SDHAF3: variants seen among roughly 807,000 people sequenced by gnomAD.
SDHAF3 encodes succinate dehydrogenase complex assembly factor 3, also known as succinate dehydrogenase assembly factor 3, mitochondrial.
A neutral mutation model predicts 11.5 loss-of-function variants in SDHAF3; 18 were observed. That is an observed-to-expected ratio of 1.56 (90% CI 1.08 to 2.32). The LOEUF (loss-of-function observed/expected upper bound fraction) is 2.32. SDHAF3 is among the 30% of genes most tolerant of loss of function. The pLI is 0.00. For synonymous variants in SDHAF3, 72 were observed against 59.3 expected (o/e 1.21, Z -0.99); for missense variants, 200 against 154.4 (o/e 1.30, Z -1.57).
chr7:97,145,949 T>C (rs62499470), intron 1 of SDHAF3, among the ~76,000 whole-genome samples: 26,200 of 152,084 alleles, frequency 0.17, 2,867 homozygotes, highest in Non-Finnish European at 0.25. Flanking sequence ...TTGAGTAAAT[T>C]TTTGTAGTTC....
intron 1 of SDHAF3, among the ~76,000 whole-genome samples, chr7:97,133,075 A>G (rs1214802964): frequency 6.6e-6 from 1 of 152,188 alleles, no homozygotes; most frequent in Non-Finnish European, 1.5e-5. Context: ...AAACCTTTTC[A>G]GATATGTCTC....
In SDHAF3 at chr7:97,181,746, A is replaced by G. The variant is rs1789779319; in HGVS notation, c.*531A>G. ...TTTTACTATCAATCATTTGTATAAT[A>G]AACTATACAAAGTATAATACGTTTC... On this transcript the variant is annotated 3_prime_UTR_variant, in exon 2 of 2. Transcript: ENST00000432641. The G allele has an allele frequency of 6.5e-6, 1 of 153,386 alleles. No homozygotes were observed. Among genetic ancestry groups the G allele is most frequent in the Non-Finnish European group, 1.5e-5 (1 of 68,874 alleles). 9.5% of individuals were successfully genotyped at this position (153,386 alleles called of 1,614,324 possible). A position where few individuals can be genotyped will look rare whatever the true frequency, so the allele number is the denominator to read the frequency against.
chr7:97,167,075 G>A (rs1212363563), intron 1 of SDHAF3, among the ~76,000 whole-genome samples: 1 of 149,996 alleles, frequency 6.7e-6, no homozygotes, highest in Non-Finnish European at 1.5e-5. Context: ...TGCCAAGGCA[G>A]TTAAAGAGGA....
At chr7:97,145,050 G>GT (rs545292829) in intron 1 of SDHAF3, among the ~76,000 whole-genome samples, 15,381 of 131,232 alleles carry the variant, frequency 0.12, 824 homozygotes, top group Middle Eastern at 0.16. Context: ...AGTATTTTTT[G>GT]TTTTTTTTTT....
intron 1 of SDHAF3, among the ~76,000 whole-genome samples, chr7:97,171,587 G>C (rs1362299049): frequency 1.3e-5 from 2 of 151,938 alleles, no homozygotes; most frequent in Non-Finnish European, 2.9e-5. Context: ...ATGTCATATA[G>C]TTTGGTATTT....
At chr7:97,144,153 T>G (rs566723296) in intron 1 of SDHAF3, among the ~76,000 whole-genome samples, 6 of 152,220 alleles carry the variant, frequency 3.9e-5, no homozygotes, top group Admixed American at 3.9e-4. Flanking sequence ...AATTGTCTAC[T>G]TACATTCTTT....
At chr7:97,171,586 A>G (rs1383550918) in intron 1 of SDHAF3, among the ~76,000 whole-genome samples, 1 of 152,048 alleles carries the variant, frequency 6.6e-6, no homozygotes, top group East Asian at 1.9e-4. Flanking sequence ...CATGTCATAT[A>G]GTTTGGTATT....
chr7:97,137,086 ATTCT>A (rs1562822293), intron 1 of SDHAF3, among the ~76,000 whole-genome samples: 1 of 152,116 alleles, frequency 6.6e-6, no homozygotes. Context: ...TATTTATTAT[ATTCT>A]TTCTTTGGGA....
At chr7:97,171,103 C>A (rs1046854744) in intron 1 of SDHAF3, among the ~76,000 whole-genome samples, 1 of 152,024 alleles carries the variant, frequency 6.6e-6, no homozygotes, top group Non-Finnish European at 1.5e-5. Flanking sequence ...ATTCAGGTAA[C>A]TTTCAGGTTT....
At chr7:97,121,854 GTTTTTTTTTTT>G (rs56186976) in intron 1 of SDHAF3, among the ~76,000 whole-genome samples, 1,687 of 129,926 alleles carry the variant, frequency 0.013, 35 homozygotes, top group African/African-American at 0.047. Flanking sequence ...TTTTTTTTTT[GTTTTTTTTTTT>G]TTTGTTTTTG....
chr7:97,175,584 T>C (rs1212883816), intron 1 of SDHAF3, among the ~76,000 whole-genome samples: 1 of 152,204 alleles, frequency 6.6e-6, no homozygotes, highest in Non-Finnish European at 1.5e-5. Flanking sequence ...GCCAGTGTGC[T>C]CGACCATACC....
In SDHAF3 at chr7:97,140,370, G is replaced by T. The variant is rs1439339779; in HGVS notation, c.174+22473G>T. Reference sequence around the variant, plus strand: ...TTTTTTTTTTTTTTTTTTTGAGATGGAGTCTCGCTCTGTCACCCAGGCTAG... The same window carrying T: ...TTTTTTTTTTTTTTTTTTTGAGATGTAGTCTCGCTCTGTCACCCAGGCTAG... On this transcript the variant is annotated intron_variant, in intron 1 of 1. Coordinates refer to ENST00000432641, the MANE Select transcript of SDHAF3 (RefSeq NM_020186.3). Among the ~76,000 whole-genome samples, 18 of 119,074 alleles carry T rather than the reference G, an allele frequency of 1.5e-4. No individual in the cohort carries two copies. The Admixed American group carries it at 1.6e-3, about 11-fold the overall frequency. The allele number at this position is 119,074 out of a possible 152,430, so 78.1% of individuals were successfully genotyped here.
At chr7:97,127,019 C>CA (rs1791587978) in intron 1 of SDHAF3, among the ~76,000 whole-genome samples, 1 of 152,148 alleles carries the variant, frequency 6.6e-6, no homozygotes, top group Non-Finnish European at 1.5e-5. Flanking sequence ...CACAGTCCCT[C>CA]ATGGCTTCCC....
chr7:97,130,772 G>A (rs2115635320), intron 1 of SDHAF3, among the ~76,000 whole-genome samples: 1 of 152,248 alleles, frequency 6.6e-6, no homozygotes, highest in East Asian at 1.9e-4. Flanking sequence ...CCACACAAGA[G>A]GGGACCTGAA....
chr7:97,153,413 C>T (rs1419974146), intron 1 of SDHAF3, among the ~76,000 whole-genome samples: 1 of 152,092 alleles, frequency 6.6e-6, no homozygotes, highest in East Asian at 1.9e-4. Flanking sequence ...ATAAATATTT[C>T]ATTGTCTGGG....
At chr7:97,155,989 A>G (rs1789295703) in intron 1 of SDHAF3, among the ~76,000 whole-genome samples, 1 of 152,134 alleles carries the variant, frequency 6.6e-6, no homozygotes, top group African/African-American at 2.4e-5. Context: ...TTTAAAAAGT[A>G]TGGTACGTGT....
At chr7:97,140,745 A>G (rs541808103) in intron 1 of SDHAF3, among the ~76,000 whole-genome samples, 5 of 152,254 alleles carry the variant, frequency 3.3e-5, no homozygotes, top group Admixed American at 6.5e-5. Flanking sequence ...CAAGCTGAGG[A>G]GGATGTATGT....
At chr7:97,160,046 G>A (rs899624239) in intron 1 of SDHAF3, among the ~76,000 whole-genome samples, 2 of 152,128 alleles carry the variant, frequency 1.3e-5, no homozygotes, top group African/African-American at 4.8e-5. Flanking sequence ...CGTCTGGGAG[G>A]TGAGGAGCGC....
intron 1 of SDHAF3, among the ~76,000 whole-genome samples, chr7:97,160,030 A>G (rs1584227572): frequency 6.6e-6 from 1 of 152,138 alleles, no homozygotes; most frequent in African/African-American, 2.4e-5. Context: ...GCCAATGGCC[A>G]CCCTTCGTCT....
Sources: gnomAD v4.1 joint callset for allele counts (sites outside exome capture counted in the v4.1 genomes callset) on GRCh38, gnomAD v4.1.1 for gene constraint, MANE v1.5 for transcripts, NCBI Gene and HGNC (gene_info 2026-07-23, HGNC 2026-07-21) for gene names.